Variants in CD38 observed in about 807,000 individuals in gnomAD.
The protein encoded by CD38 is ADP-ribosyl cyclase/cyclic ADP-ribose hydrolase 1.
CD38 carries 31 observed loss-of-function variants against 36.3 expected under a neutral mutation model. That is an observed-to-expected ratio of 0.85 (90% CI 0.64 to 1.15). The LOEUF (loss-of-function observed/expected upper bound fraction) is 1.15, where lower values mean the gene tolerates loss of function less well. CD38 is among the 50% of genes most tolerant of loss of function. The pLI is 0.00. For synonymous variants in CD38, 131 were observed against 135.2 expected, an observed-to-expected ratio of 0.97 and a Z score of 0.22; for missense variants, 380 against 371.9, an observed-to-expected ratio of 1.02 and a Z score of -0.18.
chr4:15,838,870 G>GAC (rs1724133904), intron 5 of CD38, among the ~76,000 whole-genome samples: 1 of 152,202 alleles, frequency 6.6e-6, no homozygotes, highest in Non-Finnish European at 1.5e-5. Flanking sequence ...TGACAACAGA[G>GAC]AAAGTGCTCA....
intron 4 of CD38, among the ~76,000 whole-genome samples, chr4:15,835,495 A>G (rs549945037): frequency 6.9e-6 from 1 of 144,376 alleles, no homozygotes; most frequent in Admixed American, 7.4e-5. Context: ...CTCCTACCTC[A>G]GCCTCCCCAG....
intron 7 of CD38, among the ~76,000 whole-genome samples, chr4:15,842,343 G>A (rs1293891643): frequency 7.5e-6 from 1 of 133,552 alleles, no homozygotes; most frequent in Admixed American, 7.3e-5. Context: ...ACCTGCAGCT[G>A]AGGGTCCTGT....
intron 1 of CD38, among the ~76,000 whole-genome samples, chr4:15,784,911 C>T (rs1722777532): frequency 6.6e-6 from 1 of 152,048 alleles, no homozygotes; most frequent in Non-Finnish European, 1.5e-5. Flanking sequence ...CAAAAATTAG[C>T]CGGGTGTGGT....
At chr4:15,836,887 C>T (rs1357203818) in intron 4 of CD38, among the ~76,000 whole-genome samples, 1 of 152,174 alleles carries the variant, frequency 6.6e-6, no homozygotes, top group Non-Finnish European at 1.5e-5. Context: ...TCTGATTCCT[C>T]ATTTGTCAAA....
chr4:15,790,241 T>C (rs1277908467), intron 1 of CD38, among the ~76,000 whole-genome samples: 2 of 148,688 alleles, frequency 1.3e-5, no homozygotes, highest in South Asian at 2.2e-4. Flanking sequence ...GAGCCAAAGC[T>C]GGACGGTACT....
intron 7 of CD38, 140 bp downstream of exon 7, chr4:15,840,678 G>A (rs540423163): frequency 3.7e-5 from 22 of 598,874 alleles, no homozygotes; most frequent in Non-Finnish European, 5.6e-5. Flanking sequence ...GCAACCTCTG[G>A]TGATCTCTGT....
Position 15,812,206 on chromosome 4 carries a change from G to A in CD38, c.234-4305G>A, listed in dbSNP as rs150470591. ...TTATCTTGATTACTGTAGCATTGTA[G>A]TAAGTTTTGAAATCAGGAAGTTTGT... On this transcript the variant is annotated intron_variant, in intron 1 of 7. Coordinates refer to ENST00000226279, the MANE Select transcript of CD38 (RefSeq NM_001775.4). Among the ~76,000 whole-genome samples the A allele has an allele frequency of 2.5e-3, 382 of 152,272 alleles. 5 individuals are homozygous for A. In the Middle Eastern group the frequency reaches 0.031, roughly 12 times the overall value.
chr4:15,784,770 G>C (rs1416177949), intron 1 of CD38, among the ~76,000 whole-genome samples: 2 of 152,088 alleles, frequency 1.3e-5, no homozygotes, highest in African/African-American at 4.8e-5. Flanking sequence ...AAGAATCTTA[G>C]GTGCAGGCGA....
intron 1 of CD38, among the ~76,000 whole-genome samples, chr4:15,786,197 C>A (rs1015771220): frequency 6.6e-6 from 1 of 152,186 alleles, no homozygotes; most frequent in Non-Finnish European, 1.5e-5. Context: ...AAGTGTAGAA[C>A]GGGACGCCAA....
intron 3 of CD38, among the ~76,000 whole-genome samples, chr4:15,828,973 A>T (rs770641621): frequency 2.0e-5 from 3 of 152,158 alleles, no homozygotes; most frequent in Non-Finnish European, 4.4e-5. Context: ...ATTCTTGCCA[A>T]CACTTGTTAT....
chr4:15,796,637 G>T (rs1377786847), intron 1 of CD38, among the ~76,000 whole-genome samples: 1 of 151,790 alleles, frequency 6.6e-6, no homozygotes, highest in Non-Finnish European at 1.5e-5. Flanking sequence ...TACTCTTTCC[G>T]CCGATTTTCT....
chr4:15,834,681 A>C (rs1017201844), intron 4 of CD38, among the ~76,000 whole-genome samples: 3 of 152,216 alleles, frequency 2.0e-5, no homozygotes, highest in African/African-American at 4.8e-5. Context: ...AGATCTTTAC[A>C]TGAACTAGTA....
intron 7 of CD38, 62 bp downstream of exon 7, chr4:15,840,600 T>C (rs772882346): frequency 6.6e-5 from 61 of 921,876 alleles, no homozygotes; most frequent in Non-Finnish European, 1.0e-4. Flanking sequence ...TTTCCTTTTT[T>C]CCTTAGCCTC....
intron 1 of CD38, among the ~76,000 whole-genome samples, chr4:15,789,366 T>G (rs1722907168): frequency 6.6e-6 from 1 of 152,100 alleles, no homozygotes; most frequent in Admixed American, 6.6e-5. Context: ...CTGTGTAGTG[T>G]TTACAACTTA....
chr4:15,782,081 G>A (rs1360821865), intron 1 of CD38, among the ~76,000 whole-genome samples: 2 of 152,152 alleles, frequency 1.3e-5, no homozygotes, highest in African/African-American at 4.8e-5. Context: ...TCCTCTCTGT[G>A]TTGCCACACG....
intron 2 of CD38, among the ~76,000 whole-genome samples, chr4:15,820,160 C>A (rs1422466558): frequency 6.6e-6 from 1 of 152,142 alleles, no homozygotes; most frequent in Non-Finnish European, 1.5e-5. Flanking sequence ...AATTCGTCAC[C>A]ACCAGGCCTG....
At chr4:15,809,842 T>C (rs932279601) in intron 1 of CD38, among the ~76,000 whole-genome samples, 6 of 152,202 alleles carry the variant, frequency 3.9e-5, no homozygotes, top group South Asian at 4.1e-4. Context: ...CCTTCTTTAG[T>C]TGGAAAGATC....
At chr4:15,848,494 G>A (rs754901797) in intron 7 of CD38, 45 bp from the exon 8 acceptor site, 1 of 1,460,014 alleles carries the variant, frequency 6.8e-7, no homozygotes, top group East Asian at 2.3e-5. Context: ...GACGACAGAT[G>A]TATCCTACGG....
At chr4:15,847,559 T>A (rs1270359326) in intron 7 of CD38, among the ~76,000 whole-genome samples, 1 of 66,556 alleles carries the variant, frequency 1.5e-5, no homozygotes, top group Non-Finnish European at 3.0e-5. Context: ...TAGAGTATAA[T>A]AAAAAAAATA....
Sources: allele counts gnomAD v4.1 joint callset (sites outside exome capture counted in the v4.1 genomes callset), GRCh38; gene constraint gnomAD v4.1.1; transcripts MANE v1.5; gene names NCBI Gene and HGNC (gene_info 2026-07-23, HGNC 2026-07-21).